The following G2E3 variants were observed in gnomAD, a reference collection of about 807,000 sequenced individuals.
G2E3 encodes the protein G2/M phase-specific E3 ubiquitin-protein ligase.
In G2E3, 35 loss-of-function variants were observed where a neutral mutation model predicts 92.8. That is an observed-to-expected ratio of 0.38 (90% CI 0.29 to 0.50). G2E3 has a LOEUF of 0.50. Among genes scored for constraint, G2E3 ranks in the 20% least tolerant of loss-of-function variants. The probability of loss-of-function intolerance (pLI) is 0.94; values close to 1 mark genes in which losing one functional copy is unlikely to be tolerated. For synonymous variants in G2E3, 242 were observed against 272.4 expected (o/e 0.89, Z 1.10); for missense variants, 554 against 823.8 (o/e 0.67, Z 4.01).
intron 11 of G2E3, 130 bp downstream of exon 11, chr14:30,605,942 A>G (rs1038692864): frequency 2.1e-6 from 1 of 472,250 alleles, no homozygotes; most frequent in East Asian, 3.3e-5. Flanking sequence ...TAAACTACTG[A>G]TAGAATCACA....
chr14:30,563,883 T>A (rs1879276697), intron 1 of G2E3, among the ~76,000 whole-genome samples: 1 of 152,094 alleles, frequency 6.6e-6, no homozygotes, highest in Non-Finnish European at 1.5e-5. Flanking sequence ...CACGCCCGGC[T>A]AATTTTTGTG....
intron 12 of G2E3, chr14:30,611,832 TC>T: frequency 6.3e-6 from 1 of 159,790 alleles, no homozygotes; most frequent in South Asian, 1.7e-4. Context: ...TTTTTTTTTT[TC>T]TTTAGAGGGG....
At chr14:30,601,728 A>G in intron 8 of G2E3, 42 bp from the exon 9 acceptor site, 1 of 1,610,670 alleles carries the variant, frequency 6.2e-7, no homozygotes, top group Non-Finnish European at 8.5e-7. Context: ...TGAAACTAGA[A>G]TAATAACAAA....
rs527344670 is a variant in G2E3 at position 30,574,474 on chromosome 14, G to A, written c.-4-6602G>A. 3 of 149,370 alleles carry A rather than the reference G, an allele frequency of 2.0e-5. No homozygotes were observed. In the South Asian group the frequency reaches 6.4e-4, roughly 32 times the overall value. The allele number at this position is 149,370 out of a possible 1,614,324, so 9.3% of individuals were successfully genotyped here. On this transcript the variant is annotated intron_variant, in intron 1 of 14. Transcript: ENST00000206595. ...GTACATGTGAAGGTTTGTTACATAG[G>A]TAAACAACATGTCATGGGGGTTTGT...
chr14:30,559,857 C>T (rs1028394487), intron 1 of G2E3: 1 of 152,128 alleles, frequency 6.6e-6, no homozygotes, highest in Non-Finnish European at 1.5e-5. Flanking sequence ...ATTTAAAACC[C>T]GGATATTTTT....
chr14:30,612,087 AC>A (rs1323699214), intron 12 of G2E3, 119 bp from the exon 13 acceptor site: 1 of 637,192 alleles, frequency 1.6e-6, no homozygotes, highest in Non-Finnish European at 2.7e-6. Flanking sequence ...TTCTTGGTTT[AC>A]TTTTACTGCA....
chr14:30,567,342 T>C (rs1288999565), intron 1 of G2E3, among the ~76,000 whole-genome samples: 1 of 152,160 alleles, frequency 6.6e-6, no homozygotes, highest in Non-Finnish European at 1.5e-5. Context: ...TTCAATCTCT[T>C]GTTTGTAGAT....
chr14:30,586,882 C>T (rs1880740430), intron 3 of G2E3, 67 bp downstream of exon 3: 1 of 509,260 alleles, frequency 2.0e-6, no homozygotes, highest in African/African-American at 2.0e-5. Context: ...GATTCTGACA[C>T]TGATTTCTGA....
chr14:30,563,702 T>A (rs1479349914), intron 1 of G2E3, among the ~76,000 whole-genome samples: 2 of 101,028 alleles, frequency 2.0e-5, no homozygotes, highest in African/African-American at 4.6e-5. Context: ...CTTTTGTGTG[T>A]GTGTGTGTGT....
intron 12 of G2E3, among the ~76,000 whole-genome samples, chr14:30,610,298 G>GT (rs1882026121): frequency 6.6e-6 from 1 of 152,176 alleles, no homozygotes; most frequent in South Asian, 2.1e-4. Context: ...CCATCACGTA[G>GT]TAAAATGTAT....
intron 12 of G2E3, among the ~76,000 whole-genome samples, chr14:30,609,577 GCTT>G (rs1407402104): frequency 3.3e-5 from 5 of 152,102 alleles, no homozygotes; most frequent in African/African-American, 9.7e-5. Flanking sequence ...TATTTGGAGA[GCTT>G]CTTCTCTCCT....
At chr14:30,614,874 TTC>T (rs1307314299) in intron 13 of G2E3, among the ~76,000 whole-genome samples, 1 of 152,260 alleles carries the variant, frequency 6.6e-6, no homozygotes, top group Non-Finnish European at 1.5e-5. Context: ...AAAATTAATT[TTC>T]TGTCATATAA....
intron 2 of G2E3, among the ~76,000 whole-genome samples, chr14:30,585,905 G>C (rs938587521): frequency 6.6e-6 from 1 of 152,092 alleles, no homozygotes; most frequent in Non-Finnish European, 1.5e-5. Context: ...CTCTGGGCAT[G>C]CATGTGGACT....
At chr14:30,598,719 G>A (rs1881412131) in intron 8 of G2E3, 120 bp downstream of exon 8, 2 of 753,986 alleles carry the variant, frequency 2.7e-6, no homozygotes, top group East Asian at 2.5e-5. Flanking sequence ...TTTAAATTGA[G>A]ATGAGGGATA....
At chr14:30,603,179 A>G (rs1460401690) in intron 10 of G2E3, among the ~76,000 whole-genome samples, 4 of 152,234 alleles carry the variant, frequency 2.6e-5, no homozygotes, top group East Asian at 3.9e-4. Flanking sequence ...TACAAAAATT[A>G]GCTGGGCATA....
At chr14:30,563,413 A>G (rs1879234610) in intron 1 of G2E3, among the ~76,000 whole-genome samples, 1 of 152,098 alleles carries the variant, frequency 6.6e-6, no homozygotes, top group Non-Finnish European at 1.5e-5. Context: ...CACTTCCCCA[A>G]CAAAACTGGT....
chr14:30,572,675 T>G (rs769429052), intron 1 of G2E3, among the ~76,000 whole-genome samples: 3 of 152,180 alleles, frequency 2.0e-5, no homozygotes, highest in African/African-American at 7.2e-5. Flanking sequence ...TCAGATGATA[T>G]CTAATCTTAT....
rs908999866 is a variant in G2E3 at position 30,612,441 on chromosome 14, TTGTAA to T, written c.1673+66_1673+70del. On this transcript the variant is annotated intron_variant, in intron 13 of 14. Transcript: ENST00000206595. ...TACATGTTTAAAGTGGTTAATTATCTTGTAATGTGAGATATATTTGGTAATAAGTG... is the reference window on the plus strand; with the variant it reads ...TACATGTTTAAAGTGGTTAATTATCTTGTGAGATATATTTGGTAATAAGTG... The T allele has an allele frequency of 3.2e-5, 32 of 1,009,876 alleles. No individual in the cohort carries two copies. The Admixed American group carries it at 6.3e-4, about 20-fold the overall frequency. 62.6% of individuals were successfully genotyped at this position (1,009,876 alleles called of 1,614,324 possible). A position where few individuals can be genotyped will look rare whatever the true frequency, so the allele number is the denominator to read the frequency against.
rs76081304 is a variant in G2E3 at position 30,588,109 on chromosome 14, A to G, written c.136-1274A>G. On this transcript the variant is annotated intron_variant, in intron 3 of 14. Transcript: ENST00000206595. ...ACTGGCCTGGGAGCTTATTTATAAGAGAACATGAAGTTGTCATTCCAAATA... is the reference window on the plus strand; with the variant it reads ...ACTGGCCTGGGAGCTTATTTATAAGGGAACATGAAGTTGTCATTCCAAATA... Among the ~76,000 whole-genome samples the G allele has an allele frequency of 1.9e-3, 283 of 152,298 alleles. 6 individuals carry two copies. In the East Asian group the frequency reaches 0.044, roughly 23 times the overall value.
Sources: gnomAD v4.1 joint callset for allele counts (sites outside exome capture counted in the v4.1 genomes callset) on GRCh38, gnomAD v4.1.1 for gene constraint, MANE v1.5 for transcripts, NCBI Gene and HGNC (gene_info 2026-07-23, HGNC 2026-07-21) for gene names.